Variants in GRM1 observed in about 807,000 individuals in gnomAD.
GRM1 encodes metabotropic glutamate receptor 1.
Under a neutral mutation model 90.9 loss-of-function variants are expected in GRM1, and 33 were observed. That is an observed-to-expected ratio of 0.36 (90% CI 0.28 to 0.49). The LOEUF (loss-of-function observed/expected upper bound fraction) is 0.49, where lower values mean the gene tolerates loss of function less well. Among genes scored for constraint, GRM1 ranks in the 20% least tolerant of loss-of-function variants. GRM1 has a pLI of 0.99. For synonymous variants in GRM1, 700 were observed against 613.2 expected (o/e 1.14, Z -2.09); for missense variants, 1,190 against 1,534.3 (o/e 0.78, Z 3.75).
intron 3 of GRM1, among the ~76,000 whole-genome samples, chr6:146,341,751 C>G (rs1290434510): frequency 6.6e-6 from 1 of 152,170 alleles, no homozygotes; most frequent in Non-Finnish European, 1.5e-5. Flanking sequence ...TTTTGGTAAG[C>G]TTGTGCAAGG....
intron 5 of GRM1, among the ~76,000 whole-genome samples, chr6:146,385,448 A>G (rs1776468865): frequency 1.3e-5 from 2 of 151,924 alleles, no homozygotes; most frequent in Non-Finnish European, 2.9e-5. Flanking sequence ...TTAAACTTCC[A>G]TACCAAGTGA....
intron 2 of GRM1, among the ~76,000 whole-genome samples, chr6:146,240,063 A>G (rs1411759968): frequency 6.6e-6 from 1 of 152,102 alleles, no homozygotes; most frequent in Admixed American, 6.6e-5. Flanking sequence ...ACTTAATGAT[A>G]TGACCTGAGT....
At chr6:146,424,149 T>C (rs1315520866) in intron 7 of GRM1, among the ~76,000 whole-genome samples, 1 of 152,210 alleles carries the variant, frequency 6.6e-6, no homozygotes, top group African/African-American at 2.4e-5. Context: ...CCAAGGGTAT[T>C]GCAATAACAG....
At chr6:146,151,039 G>C (rs889560968) in intron 1 of GRM1, among the ~76,000 whole-genome samples, 4 of 151,798 alleles carry the variant, frequency 2.6e-5, no homozygotes, top group Non-Finnish European at 5.9e-5. Flanking sequence ...GACTTTCCAA[G>C]AAATATTTTT....
chr6:146,184,915 A>C (rs1778674980), intron 2 of GRM1, among the ~76,000 whole-genome samples: 1 of 152,198 alleles, frequency 6.6e-6, no homozygotes, highest in Admixed American at 6.5e-5. Flanking sequence ...TCCCTGGATA[A>C]ACTTTATTTT....
intron 1 of GRM1, among the ~76,000 whole-genome samples, chr6:146,056,593 A>G (rs540722941): frequency 6.6e-6 from 1 of 152,200 alleles, no homozygotes; most frequent in Non-Finnish European, 1.5e-5. Context: ...AACCTTCGGC[A>G]TGTCACGCTT....
At chr6:146,272,367 A>G (rs1255727144) in intron 2 of GRM1, among the ~76,000 whole-genome samples, 1 of 152,226 alleles carries the variant, frequency 6.6e-6, no homozygotes, top group African/African-American at 2.4e-5. Context: ...TGAGATACAA[A>G]GTTATTTATG....
intron 1 of GRM1, among the ~76,000 whole-genome samples, chr6:146,094,086 C>T (rs893594902): frequency 2.6e-5 from 4 of 152,026 alleles, no homozygotes; most frequent in Non-Finnish European, 2.9e-5. Flanking sequence ...TAATAATTGG[C>T]TACATGACTT....
intron 2 of GRM1, among the ~76,000 whole-genome samples, chr6:146,183,605 G>C (rs1778624505): frequency 6.6e-6 from 1 of 152,018 alleles, no homozygotes; most frequent in African/African-American, 2.4e-5. Context: ...ATAAAAAGAC[G>C]GCCAGAATAG....
intron 5 of GRM1, among the ~76,000 whole-genome samples, chr6:146,367,396 C>T (rs1775732698): frequency 6.6e-6 from 1 of 152,002 alleles, no homozygotes; most frequent in South Asian, 2.1e-4. Context: ...TTTTGTGGTT[C>T]CATGAGAATT....
At chr6:146,079,232 G>A (rs190321769) in intron 1 of GRM1, among the ~76,000 whole-genome samples, 5 of 152,306 alleles carry the variant, frequency 3.3e-5, no homozygotes, top group Admixed American at 6.5e-5. Flanking sequence ...ATGCCCGTGG[G>A]CTGGACATTA....
chr6:146,311,975 C>A (rs1783787730), intron 3 of GRM1, among the ~76,000 whole-genome samples: 1 of 152,208 alleles, frequency 6.6e-6, no homozygotes, highest in African/African-American at 2.4e-5. Flanking sequence ...TTGGAAAATG[C>A]AAGATCACAC....
chr6:146,335,212 G>C (rs1299454925), intron 3 of GRM1, among the ~76,000 whole-genome samples: 1 of 152,156 alleles, frequency 6.6e-6, no homozygotes, highest in Non-Finnish European at 1.5e-5. Flanking sequence ...AAACTTGGCT[G>C]TGGTTTTGAA....
rs772064305 is a variant in GRM1 at position 146,159,548 on chromosome 6, A to G, written c.901A>G (p.Ser301Gly). The change falls in exon 2 of 8, where the codon AGC becomes GGC. Residue 301 changes from serine (S) to glycine (G), a missense_variant. By Grantham distance (56) the Ser-to-Gly change is moderately conservative (BLOSUM62 0). This residue lies in a region of GRM1 where 414 missense variants were observed against 598.4 expected (regional missense o/e 0.69). Coordinates refer to ENST00000282753, the MANE Select transcript of GRM1 (RefSeq NM_001278064.2). ...AGGCATGACAGTGCGAGGACTCCTG[A>G]GCGCCATGCGGCGCCTTGGCGTCGT... ...CEGMTVRGLL[S>G]AMRRLGVVGE... 2 of 1,613,884 alleles carry G rather than the reference A, an allele frequency of 1.2e-6. No individual in the cohort carries two copies. Among genetic ancestry groups the G allele is most frequent in the South Asian group, 2.2e-5 (2 of 91,068 alleles).
chr6:146,344,423 C>T lies in GRM1; in HGVS notation c.1187-7827C>T, dbSNP rs973202519. ...GTTTCTGTAAATATGCCCTTTACAA[C>T]CTGAGCAGAGTGGCTGATGTATCCA... On this transcript the variant is annotated intron_variant, in intron 3 of 7. Transcript: ENST00000282753. 3.3e-5 allele frequency among the ~76,000 whole-genome samples: 5 copies of T among 152,276 alleles called. No individual in the cohort carries two copies. The South Asian group carries it at 1.0e-3, about 32-fold the overall frequency.
chr6:146,249,028 A>G (rs1194387876), intron 2 of GRM1, among the ~76,000 whole-genome samples: 1 of 152,240 alleles, frequency 6.6e-6, no homozygotes, highest in Non-Finnish European at 1.5e-5. Flanking sequence ...GCAACAAAGC[A>G]TTCAAGATGT....
At chr6:146,120,423 C>G (rs530750840) in intron 1 of GRM1, among the ~76,000 whole-genome samples, 1 of 152,162 alleles carries the variant, frequency 6.6e-6, no homozygotes, top group African/African-American at 2.4e-5. Flanking sequence ...ATTGAATACC[C>G]TTTATTTCTT....
chr6:146,131,118 T>C (rs974320234), intron 1 of GRM1, among the ~76,000 whole-genome samples: 17 of 152,168 alleles, frequency 1.1e-4, no homozygotes, highest in African/African-American at 4.1e-4. Context: ...AATTAAACAA[T>C]GTCTACTTCT....
chr6:146,224,026 T>C (rs1780157590), intron 2 of GRM1, among the ~76,000 whole-genome samples: 1 of 152,108 alleles, frequency 6.6e-6, no homozygotes, highest in African/African-American at 2.4e-5. Context: ...TCATTACTTA[T>C]GAATAATTTG....
Sources: allele counts gnomAD v4.1 joint callset (sites outside exome capture counted in the v4.1 genomes callset), GRCh38; gene constraint gnomAD v4.1.1; regional missense constraint gnomAD v4.1.1; transcripts MANE v1.5; gene names NCBI Gene and HGNC (gene_info 2026-07-23, HGNC 2026-07-21).